Variants in OTOGL observed in about 807,000 individuals in gnomAD.
OTOGL encodes otogelin like.
In OTOGL, 285 loss-of-function variants were observed where a neutral mutation model predicts 318.5. That is an observed-to-expected ratio of 0.89 (90% CI 0.81 to 0.99). The LOEUF (loss-of-function observed/expected upper bound fraction) is 0.99, where lower values mean the gene tolerates loss of function less well. Ranked by LOEUF, OTOGL falls within the 50% of genes least tolerant of loss-of-function variation. OTOGL has a pLI of 0.00. For missense variants in OTOGL, 2,899 were observed against 2,845.6 expected, an observed-to-expected ratio of 1.02 and a Z score of -0.43; for synonymous variants, 987 against 936.5, an observed-to-expected ratio of 1.05 and a Z score of -0.99.
Position 80,257,957 on chromosome 12 carries a change from T to G in OTOGL, c.1844T>G (p.Leu615Ter). 1 of 1,597,170 alleles carries G rather than the reference T, an allele frequency of 6.3e-7. No individual in the cohort carries two copies. The highest frequency in any genetic ancestry group is 8.5e-7 in the Non-Finnish European group (1 of 1,178,908). ...QLTSAWKRRT[L>*]GLCGTFNGNI... ...ACTAGCGCATGGAAAAGAAGAACATTAGGTCTGTGTGGCACTTTTAATGGC... is the reference window on the plus strand; with the variant it reads ...ACTAGCGCATGGAAAAGAAGAACATGAGGTCTGTGTGGCACTTTTAATGGC... The change falls in exon 18 of 59, where the codon TTA becomes TGA. Residue 615 changes from leucine (L) to a stop codon, truncating the protein, a stop_gained. Transcript: ENST00000547103. LOFTEE classifies it high-confidence loss of function.
chr12:80,213,509 C>T (rs1412048655), intron 4 of OTOGL, among the ~76,000 whole-genome samples: 1 of 152,132 alleles, frequency 6.6e-6, no homozygotes, highest in East Asian at 1.9e-4. Context: ...TTTTACCCAG[C>T]CCCTATTCAA....
chr12:80,211,034 A>C, intron 3 of OTOGL, 148 bp downstream of exon 3: 1 of 465,530 alleles, frequency 2.1e-6, no homozygotes, highest in Non-Finnish European at 3.5e-6. Context: ...ACATTTCTGC[A>C]GATTAAAAAT....
At position 80,277,749 on chromosome 12, in the gene OTOGL, CA is replaced by C. The variant is rs1448981188; in HGVS notation, c.2682-414del. Among the ~76,000 whole-genome samples the C allele has an allele frequency of 1.6e-4, 24 of 151,410 alleles. No homozygotes were observed. In the Admixed American group the frequency reaches 1.6e-3, roughly 10 times the overall value. On this transcript the variant is annotated intron_variant, in intron 24 of 58. Transcript: ENST00000547103. ...TTTGATTACTCTCTATATCTTGTAA[CA>C]AAAATGTTAACCATTTAATAATTTA...
In OTOGL at chr12:80,210,857, T is replaced by C; in HGVS notation, c.90T>C (p.Cys30=). ...ATTTGTCTCTGGCAGAATATATTTG[T>C]GCATCGTCTATATTGATGGGAACAT... ...VLLFSLQEYI[C]ASSILMGTSK... is the part of the protein sequence containing the mutation. The change falls in exon 3 of 59, where the codon TGT becomes TGC. Residue 30 remains cysteine, a synonymous_variant. Coordinates refer to ENST00000547103, the MANE Select transcript of OTOGL (RefSeq NM_001378609.3). 1 of 1,477,736 alleles carries C rather than the reference T, an allele frequency of 6.8e-7. No individual in the cohort carries two copies. Among genetic ancestry groups the C allele is most frequent in the Non-Finnish European group, 9.0e-7 (1 of 1,109,518 alleles). The allele number at this position is 1,477,736 out of a possible 1,614,324, so 91.5% of individuals were successfully genotyped here. A position where few individuals can be genotyped will look rare whatever the true frequency, so the allele number is the denominator to read the frequency against.
chr12:80,207,794 C>T (rs556737003), intron 1 of OTOGL, among the ~76,000 whole-genome samples: 1 of 152,208 alleles, frequency 6.6e-6, no homozygotes, highest in African/African-American at 2.4e-5. Context: ...CAGATTTCAA[C>T]CTTAGTCTTT....
At chr12:80,303,773 G>A (rs1391503127) in intron 28 of OTOGL, among the ~76,000 whole-genome samples, 2 of 152,122 alleles carry the variant, frequency 1.3e-5, no homozygotes, top group African/African-American at 2.4e-5. Flanking sequence ...ACTATCACAA[G>A]AACAGCTTGG....
intron 11 of OTOGL, among the ~76,000 whole-genome samples, chr12:80,250,022 C>T (rs972249658): frequency 6.6e-6 from 1 of 152,076 alleles, no homozygotes; most frequent in African/African-American, 2.4e-5. Context: ...CCTGCTTCGG[C>T]TCGCGCACGG....
chr12:80,255,288 C>T, intron 16 of OTOGL, 103 bp downstream of exon 16: 3 of 1,107,942 alleles, frequency 2.7e-6, no homozygotes, highest in Non-Finnish European at 3.5e-6. Context: ...TAGCTATTTT[C>T]CTTAACACTA....
chr12:80,352,277 G>T lies in OTOGL; in HGVS notation c.5266-18G>T, dbSNP rs527710274. On this transcript the variant is annotated intron_variant, in intron 44 of 58. Coordinates refer to ENST00000547103, the MANE Select transcript of OTOGL (RefSeq NM_001378609.3). ...AATAAAACAATATAACTTATTTCAA[G>T]GCAAAATGTTTCTCTAGGTTTCACC... 9.4e-6 allele frequency: 15 copies of T among 1,597,718 alleles called. No homozygotes were observed. In the Admixed American group the frequency reaches 2.1e-4, roughly 22 times the overall value.
intron 1 of OTOGL, among the ~76,000 whole-genome samples, chr12:80,149,548 G>A (rs1198738996): frequency 6.6e-6 from 1 of 152,150 alleles, no homozygotes; most frequent in Non-Finnish European, 1.5e-5. Context: ...CCCCAGAGGT[G>A]GAGCCTACAG....
rs1053467486 is a variant in OTOGL, at chr12:80,378,361, C to T, written c.*313C>T. On this transcript the variant is annotated 3_prime_UTR_variant, in exon 59 of 59. Coordinates refer to ENST00000547103, the MANE Select transcript of OTOGL (RefSeq NM_001378609.3). ...ACTGGAAGGTTATTTTGCAAAATTC[C>T]TTCAATTTCACTCAGTAGCTCTTTT... 3.8e-5 allele frequency: 8 copies of T among 210,186 alleles called. No homozygotes were observed. The highest frequency in any genetic ancestry group is 1.4e-4 in the African/African-American group (6 of 43,264). The allele number at this position is 210,186 out of a possible 1,614,324, so 13.0% of individuals were successfully genotyped here. A position where few individuals can be genotyped will look rare whatever the true frequency, so the allele number is the denominator to read the frequency against.
In OTOGL at chr12:80,278,230, G is replaced by C; in HGVS notation, c.2744G>C (p.Trp915Ser). Reference sequence around the variant, plus strand: ...AGCTGCCCATGTATTTGGAAAGATTGGGAGTATCTCTCAGGAGAAGTGATT... The same window carrying C: ...AGCTGCCCATGTATTTGGAAAGATTCGGAGTATCTCTCAGGAGAAGTGATT... ...PESCPCIWKD[W>S]EYLSGEVIAT... Residue 915 changes from tryptophan (W) to serine (S), a missense_variant, in exon 25 of 59, where the codon TGG becomes TCG. By Grantham distance (177) the Trp-to-Ser change is radical. This residue lies in a region of OTOGL where 2,607 missense variants were observed against 2,524.9 expected (regional missense o/e 1.03). Coordinates refer to ENST00000547103, the MANE Select transcript of OTOGL (RefSeq NM_001378609.3). 6 of 1,546,844 alleles carry C rather than the reference G, an allele frequency of 3.9e-6. No homozygotes were observed. The highest frequency in any genetic ancestry group is 5.2e-6 in the Non-Finnish European group (6 of 1,144,224).
intron 18 of OTOGL, among the ~76,000 whole-genome samples, chr12:80,258,774 A>G (rs1182746433): frequency 6.6e-6 from 1 of 152,216 alleles, no homozygotes; most frequent in East Asian, 1.9e-4. Context: ...TCACAGAAGC[A>G]AAGTATTATA....
At chr12:80,172,985 GGGCTTAATACCT>G (rs1160120904) in intron 1 of OTOGL, among the ~76,000 whole-genome samples, 1 of 152,134 alleles carries the variant, frequency 6.6e-6, no homozygotes. Flanking sequence ...AACAGATGCT[GGGCTTAATACCT>G]GAGTGATGGG....
At chr12:80,266,390 G>A in intron 20 of OTOGL, 61 bp from the exon 21 acceptor site, 2 of 1,540,644 alleles carry the variant, frequency 1.3e-6, no homozygotes, top group South Asian at 1.2e-5. Flanking sequence ...CCTCTAAGGA[G>A]GCATAAAATG....
rs371267745 is a variant in OTOGL, at chr12:80,284,237, G to A, written c.2928+5071G>A. 1.7e-3 allele frequency among the ~76,000 whole-genome samples: 259 copies of A among 152,122 alleles called. 1 individual carries two copies. The highest frequency in any genetic ancestry group is 6.1e-3 in the African/African-American group (255 of 41,516). On this transcript the variant is annotated intron_variant, in intron 26 of 58. Transcript: ENST00000547103. The stretch of plus-strand genomic sequence containing the variant: ...TCTTTTTTATGGCTACATAGTATCC[G>A]ATGGTGTATATGTGCCACATTTTCC...
intron 38 of OTOGL, 24 bp downstream of exon 38, chr12:80,333,102 G>C: frequency 6.5e-7 from 1 of 1,548,758 alleles, no homozygotes; most frequent in Non-Finnish European, 8.8e-7. Context: ...ATATCTTCCA[G>C]CTCTTTGTCA....
intron 1 of OTOGL, among the ~76,000 whole-genome samples, chr12:80,108,328 A>T (rs1869580251): frequency 1.3e-5 from 2 of 152,060 alleles, no homozygotes; most frequent in South Asian, 4.1e-4. Flanking sequence ...AATTATAACA[A>T]TTATAATTCT....
chr12:80,347,758 C>T (rs1039208973), intron 44 of OTOGL, among the ~76,000 whole-genome samples: 1 of 152,112 alleles, frequency 6.6e-6, no homozygotes, highest in Non-Finnish European at 1.5e-5. Flanking sequence ...ACATGTTCCT[C>T]TTTCTCCACA....
Sources: allele counts gnomAD v4.1 joint callset (sites outside exome capture counted in the v4.1 genomes callset), GRCh38; gene constraint gnomAD v4.1.1; regional missense constraint gnomAD v4.1.1; transcripts MANE v1.5; gene names NCBI Gene and HGNC (gene_info 2026-07-23, HGNC 2026-07-21).